RABGAP1L: variants seen among roughly 807,000 people sequenced by gnomAD.
RABGAP1L encodes the protein RAB GTPase activating protein 1 like.
A neutral mutation model predicts 137.7 loss-of-function variants in RABGAP1L; 63 were observed. That is an observed-to-expected ratio of 0.46 (90% CI 0.37 to 0.56). RABGAP1L has a LOEUF of 0.56. Among genes scored for constraint, RABGAP1L ranks in the 20% least tolerant of loss-of-function variants. The pLI is 0.00. For missense variants in RABGAP1L, 1,095 were observed against 1,244.0 expected (o/e 0.88, Z 1.80); for synonymous variants, 431 against 433.7 (o/e 0.99, Z 0.08).
At chr1:174,642,752 C>T (rs1182241094) in intron 14 of RABGAP1L, among the ~76,000 whole-genome samples, 22 of 134,364 alleles carry the variant, frequency 1.6e-4, no homozygotes, top group African/African-American at 6.1e-4. Flanking sequence ...CCCCTCTCCC[C>T]TTCTTCCCCT....
Position 174,172,573 on chromosome 1 carries a change from G to A in RABGAP1L, c.-34+12916G>A, listed in dbSNP as rs540184828. ...TGAGGTGATAGCTCATTGTGGTTTC[G>A]ATTTGCTTTTCCCTGATAATTAGTG... On this transcript the variant is annotated intron_variant, in intron 1 of 25. Transcript: ENST00000681986. 4.6e-5 allele frequency among the ~76,000 whole-genome samples: 7 copies of A among 152,224 alleles called. No individual in the cohort carries two copies. In the South Asian group the frequency reaches 1.4e-3, roughly 31 times the overall value.
In RABGAP1L at chr1:174,250,560, C is replaced by A. The variant is rs368432186; in HGVS notation, c.803C>A (p.Thr268Asn). Residue 268 changes from threonine to asparagine, a missense_variant, in exon 6 of 26, where the codon ACC becomes AAC. This residue lies in a region of RABGAP1L where 356 missense variants were observed against 326.3 expected (regional missense o/e 1.09). Transcript: ENST00000681986. ...VSDVKDSVIP[T>N]PDSDVFTFSV... ...GATGTTAAAGACTCAGTTATTCCTA[C>A]CCCCGACAGTGATGTGTTTACCTTC... is the stretch of plus-strand genomic sequence containing the variant. The A allele has an allele frequency of 1.9e-6, 3 of 1,613,778 alleles. No homozygotes were observed. The highest frequency in any genetic ancestry group is 2.5e-6 in the Non-Finnish European group (3 of 1,179,776).
chr1:174,548,308 T>G, intron 13 of RABGAP1L: 1 of 1,232,928 alleles, frequency 8.1e-7, no homozygotes, highest in Non-Finnish European at 1.0e-6. Context: ...CCTCTTAATT[T>G]ATCCATTTGT....
chr1:174,198,054 T>C (rs1453402906), intron 1 of RABGAP1L, among the ~76,000 whole-genome samples: 1 of 152,196 alleles, frequency 6.6e-6, no homozygotes, highest in African/African-American at 2.4e-5. Context: ...TGGGTATATG[T>C]ATCATGATCA....
chr1:174,888,359 A>G (rs1259685863), intron 19 of RABGAP1L, among the ~76,000 whole-genome samples: 2 of 152,170 alleles, frequency 1.3e-5, no homozygotes, highest in East Asian at 1.9e-4. Context: ...ACATACCCCT[A>G]ATATAACCTT....
At chr1:174,647,705 G>A (rs1174787593) in intron 14 of RABGAP1L, among the ~76,000 whole-genome samples, 2 of 152,056 alleles carry the variant, frequency 1.3e-5, no homozygotes, top group African/African-American at 4.8e-5. Context: ...TTGGGATCAG[G>A]ATGGTGCTGG....
chr1:174,344,439 G>A (rs1430284440), intron 11 of RABGAP1L, among the ~76,000 whole-genome samples: 1 of 152,122 alleles, frequency 6.6e-6, no homozygotes, highest in Non-Finnish European at 1.5e-5. Context: ...TTGTGTCTAG[G>A]AGTGCTTGTA....
At chr1:174,348,604 G>A (rs566977913) in intron 11 of RABGAP1L, among the ~76,000 whole-genome samples, 7,611 of 143,624 alleles carry the variant, frequency 0.053, 417 homozygotes, top group African/African-American at 0.19. Context: ...AGGACCCTGC[G>A]GCCTTCCGCA....
chr1:174,882,118 C>T (rs546114187), intron 19 of RABGAP1L, among the ~76,000 whole-genome samples: 19 of 152,218 alleles, frequency 1.2e-4, no homozygotes, highest in African/African-American at 4.3e-4. Context: ...ACCTCGGCCT[C>T]CCAGAGTGCT....
At chr1:174,622,601 A>G (rs923227905) in intron 13 of RABGAP1L, among the ~76,000 whole-genome samples, 2 of 152,210 alleles carry the variant, frequency 1.3e-5, no homozygotes, top group African/African-American at 2.4e-5. Flanking sequence ...AACTGTCACA[A>G]GGACAGAAAA....
chr1:174,240,092 C>T (rs1444076701), intron 4 of RABGAP1L, among the ~76,000 whole-genome samples: 2 of 152,234 alleles, frequency 1.3e-5, no homozygotes, highest in East Asian at 1.9e-4. Flanking sequence ...TTGCCAAACA[C>T]ACCTTGACAG....
chr1:174,310,873 TTC>T (rs1470158199), intron 11 of RABGAP1L, among the ~76,000 whole-genome samples: 1 of 152,160 alleles, frequency 6.6e-6, no homozygotes, highest in South Asian at 2.1e-4. Context: ...CTCATACTCA[TTC>T]TCTCATATAA....
At chr1:174,466,172 C>T (rs938574875) in intron 13 of RABGAP1L, among the ~76,000 whole-genome samples, 10 of 152,288 alleles carry the variant, frequency 6.6e-5, no homozygotes, top group African/African-American at 2.2e-4. Context: ...GTTTATTGAA[C>T]ATAGTTGCAG....
At chr1:174,544,157 G>T (rs1240099736) in intron 13 of RABGAP1L, among the ~76,000 whole-genome samples, 1 of 152,124 alleles carries the variant, frequency 6.6e-6, no homozygotes, top group Non-Finnish European at 1.5e-5. Flanking sequence ...GCTAGGTTGG[G>T]TAAGTTCTCC....
At chr1:174,802,298 T>C (rs573423895) in intron 18 of RABGAP1L, among the ~76,000 whole-genome samples, 2 of 152,330 alleles carry the variant, frequency 1.3e-5, no homozygotes, top group South Asian at 4.1e-4. Context: ...TAATGCCACC[T>C]GCATTATGTG....
At chr1:174,870,905 T>C (rs1188436450) in intron 19 of RABGAP1L, among the ~76,000 whole-genome samples, 1 of 151,736 alleles carries the variant, frequency 6.6e-6, no homozygotes, top group East Asian at 1.9e-4. Context: ...ACCCGGCTAA[T>C]TTTTTTTATA....
At chr1:174,367,640 C>A in intron 11 of RABGAP1L, 1 of 261,884 alleles carries the variant, frequency 3.8e-6, no homozygotes, top group Admixed American at 5.5e-5. Flanking sequence ...GCTTGCCTTT[C>A]TTTTTAACAC....
In RABGAP1L at chr1:174,231,166, C is replaced by T; in HGVS notation, c.353C>T (p.Ser118Phe). The change falls in exon 4 of 26, where the codon TCT (serine) becomes TTT (phenylalanine). Residue 118 changes from serine to phenylalanine, a missense_variant. By Grantham distance (155) the Ser-to-Phe change is radical. Around this residue, in one of 4 missense-constraint regions of RABGAP1L, gnomAD observed 356 missense variants for 326.3 expected, o/e 1.09. Coordinates refer to ENST00000681986, the MANE Select transcript of RABGAP1L (RefSeq NM_001366446.1). ...SNTEISTPRP[S>F]SPGGLPEEDS... is the part of the protein sequence containing the mutation. ...TCAGAAATTTCTACACCCAGACCAT[C>T]TTCTCCAGGTGGACTACCTGAAGAA... 1 of 1,612,336 alleles carries T rather than the reference C, an allele frequency of 6.2e-7. No homozygotes were observed. The highest frequency in any genetic ancestry group is 8.5e-7 in the Non-Finnish European group (1 of 1,178,924).
chr1:174,761,525 A>G lies in RABGAP1L; in HGVS notation c.2211+9171A>G, dbSNP rs1233678499. 6.6e-6 allele frequency among the ~76,000 whole-genome samples: 1 copy of G among 152,136 alleles called. No individual in the cohort carries two copies. Among genetic ancestry groups the G allele is most frequent in the East Asian group, 1.9e-4 (1 of 5,178 alleles). On this transcript the variant is annotated intron_variant, in intron 18 of 25. Transcript: ENST00000681986. The surrounding 1 kb of genome is among the most constrained non-coding windows in gnomAD (Gnocchi z 4.0). ...GGAGAGGCGCTGCTCACTTCCCAGC[A>G]GAGGCTCTCCTCACTTCCCAGATGG...
Sources: allele counts gnomAD v4.1 joint callset (sites outside exome capture counted in the v4.1 genomes callset), GRCh38; gene constraint gnomAD v4.1.1; regional missense constraint gnomAD v4.1.1; non-coding constraint Gnocchi (gnomAD v3.1); transcripts MANE v1.5; gene names NCBI Gene and HGNC (gene_info 2026-07-23, HGNC 2026-07-21).